The following SON variants were observed in gnomAD, a reference collection of about 807,000 sequenced individuals.
SON encodes protein SON.
A neutral mutation model predicts 173.3 loss-of-function variants in SON; 4 were observed. The ratio of observed to expected loss-of-function variants is 0.02; its 90% CI spans 0.01 to 0.05. The LOEUF is 0.05. Ranked by LOEUF, SON falls within the 10% of genes least tolerant of loss-of-function variation. The probability of loss-of-function intolerance (pLI) is 1.00; values close to 1 mark genes in which losing one functional copy is unlikely to be tolerated. For missense variants in SON, 2,626 were observed against 3,055.3 expected (o/e 0.86, Z 3.31); for synonymous variants, 1,190 against 1,105.9 (o/e 1.08, Z -1.51).
Position 33,553,224 on chromosome 21 carries a change from T to A in SON, c.3993T>A (p.Val1331=). 1.2e-6 allele frequency: 2 copies of A among 1,614,164 alleles called. No individual in the cohort carries two copies. The highest frequency in any genetic ancestry group is 8.5e-7 in the Non-Finnish European group (1 of 1,180,028). ...CAGAAGTATCTACATCCTTGTTGGT[T>A]CCAGCAGTAACTACTCCAGTGCTGG... The part of the protein sequence containing the change: ...VASEVSTSLL[V]PAVTTPVLAE... The change falls in exon 3 of 12, where the codon GTT becomes GTA. Residue 1331 remains valine, a synonymous_variant. Coordinates refer to ENST00000356577, the MANE Select transcript of SON (RefSeq NM_138927.4).
At chr21:33,563,459 G>A (rs2086107378) in intron 6 of SON, among the ~76,000 whole-genome samples, 1 of 138,406 alleles carries the variant, frequency 7.2e-6, no homozygotes, top group Non-Finnish European at 1.7e-5. Flanking sequence ...CAGGCCAGAT[G>A]CTTTTACCTT....
Position 33,552,249 on chromosome 21 carries a change from A to G in SON, c.3018A>G (p.Glu1006=), listed in dbSNP as rs1347172178. 6.2e-7 allele frequency: 1 copy of G among 1,613,994 alleles called. No homozygotes were observed. The highest frequency in any genetic ancestry group is 1.7e-5 in the Admixed American group (1 of 60,002). ...CTATGATGATGTCCTATGCTGCAGAACGTTCCATGATGTCATCTTACGAAC... is the reference window on the plus strand; with the variant it reads ...CTATGATGATGTCCTATGCTGCAGAGCGTTCCATGATGTCATCTTACGAAC... ...RRSMMMSYAA[E]RSMMSSYERS... The change falls in exon 3 of 12, where the codon GAA becomes GAG. Residue 1006 remains glutamate, a synonymous_variant. Transcript: ENST00000356577. This position sits in a 1 kb window ranked among gnomAD's most constrained non-coding sequence, Gnocchi z 5.6.
intron 11 of SON, 107 bp downstream of exon 11, chr21:33,576,000 GTTTGTA>G (rs1184100375): frequency 3.4e-6 from 2 of 596,522 alleles, no homozygotes; most frequent in Non-Finnish European, 5.8e-6. Context: ...TGGGTGGGGG[GTTTGTA>G]TTTGTAGTTA....
In SON at chr21:33,552,548, C is replaced by T; in HGVS notation, c.3317C>T (p.Ser1106Leu). The T allele has an allele frequency of 6.2e-7, 1 of 1,614,114 alleles. No homozygotes were observed. The highest frequency in any genetic ancestry group is 8.5e-7 in the Non-Finnish European group (1 of 1,180,010). Residue 1106 changes from serine to leucine, a missense_variant, in exon 3 of 12, where the codon TCG (serine) becomes TTG (leucine). Ser to Leu is a moderately radical substitution (Grantham distance 145). This residue lies in a region of SON where 366 missense variants were observed against 448.6 expected (regional missense o/e 0.82). Transcript: ENST00000356577. The surrounding 1 kb of genome is among the most constrained non-coding windows in gnomAD (Gnocchi z 5.6). ...YSAADRSMMS[S>L]YSAADRSMMS... ...GCTGCTGACCGGTCTATGATGTCATCGTACTCTGCAGCTGACCGATCTATG... is the reference window on the plus strand; with the variant it reads ...GCTGCTGACCGGTCTATGATGTCATTGTACTCTGCAGCTGACCGATCTATG...
At chr21:33,560,123 T>C (rs1335713184) in intron 6 of SON, 1 of 1,611,504 alleles carries the variant, frequency 6.2e-7, no homozygotes, top group Non-Finnish European at 8.5e-7. Flanking sequence ...CTCTAGATTT[T>C]GGTGGTAGCA....
chr21:33,573,216 G>A, intron 8 of SON, 92 bp from the exon 9 acceptor site: 1 of 1,067,878 alleles, frequency 9.4e-7, no homozygotes, highest in South Asian at 1.5e-5. Flanking sequence ...TAGAAGTAAA[G>A]TAAGATTCCT....
At chr21:33,575,386 C>T in intron 9 of SON, 1 of 433,854 alleles carries the variant, frequency 2.3e-6, no homozygotes, top group Non-Finnish European at 4.1e-6. Context: ...TACAATTTCT[C>T]ATACCAAGAT....
rs2086410876 is a variant in SON, at chr21:33,576,779, G to A, written c.*355G>A. On this transcript the variant is annotated 3_prime_UTR_variant, in exon 12 of 12. Coordinates refer to ENST00000356577, the MANE Select transcript of SON (RefSeq NM_138927.4). Reference sequence around the variant, plus strand: ...TGTTTATATTGTTTACCTTAGTGATGTATTTGTTTAAGTGGCTAACATCCA... The same window carrying A: ...TGTTTATATTGTTTACCTTAGTGATATATTTGTTTAAGTGGCTAACATCCA... 1.9e-5 allele frequency: 7 copies of A among 359,762 alleles called. No individual in the cohort carries two copies. The highest frequency in any genetic ancestry group is 1.5e-4 in the South Asian group (6 of 40,000). 22.3% of individuals were successfully genotyped at this position (359,762 alleles called of 1,614,324 possible).
rs569847364 is a variant in SON at position 33,557,688 on chromosome 21, G to A, written c.6321+372G>A. ...ATCGCCACGAGTATACTGCATATAC[G>A]CAAAGACACAGACAATCTTCAGAAA... On this transcript the variant is annotated intron_variant, in intron 4 of 11. Transcript: ENST00000356577. The A allele has an allele frequency of 2.1e-5, 31 of 1,467,424 alleles. No individual in the cohort carries two copies. The Admixed American group carries it at 5.5e-4, about 26-fold the overall frequency. The allele number at this position is 1,467,424 out of a possible 1,614,324, so 90.9% of individuals were successfully genotyped here. A position where few individuals can be genotyped will look rare whatever the true frequency, so the allele number is the denominator to read the frequency against.
Position 33,559,143 on chromosome 21 carries a change from G to T in SON, c.6322-87G>T, listed in dbSNP as rs1244207785. Reference sequence around the variant, plus strand: ...CATGAATCTTGTTTAACTTTGGAAAGTTGCTATTATGTGGTTTTGATTCTA... The same window carrying T: ...CATGAATCTTGTTTAACTTTGGAAATTTGCTATTATGTGGTTTTGATTCTA... On this transcript the variant is annotated intron_variant, in intron 4 of 11. Coordinates refer to ENST00000356577, the MANE Select transcript of SON (RefSeq NM_138927.4). This position sits in a 1 kb window ranked among gnomAD's most constrained non-coding sequence, Gnocchi z 4.1. 9.4e-7 allele frequency: 1 copy of T among 1,067,722 alleles called. No individual in the cohort carries two copies. The highest frequency in any genetic ancestry group is 1.6e-5 in the African/African-American group (1 of 61,364). The allele number at this position is 1,067,722 out of a possible 1,614,324, so 66.1% of individuals were successfully genotyped here. A position where few individuals can be genotyped will look rare whatever the true frequency, so the allele number is the denominator to read the frequency against.
At chr21:33,568,703 A>G (rs1407974485) in intron 7 of SON, among the ~76,000 whole-genome samples, 2 of 152,138 alleles carry the variant, frequency 1.3e-5, no homozygotes, top group Non-Finnish European at 2.9e-5. Flanking sequence ...TTGCATTTTT[A>G]GTGTATCTGT....
chr21:33,543,282 G>A, intron 1 of SON, 113 bp downstream of exon 1: 3 of 989,226 alleles, frequency 3.0e-6, no homozygotes, highest in Non-Finnish European at 4.8e-6. Flanking sequence ...CCCCGCTAGG[G>A]CCCCGCCTGG....
At position 33,559,939 on chromosome 21, in the gene SON, G is replaced by C; in HGVS notation, c.6657+164G>C. On this transcript the variant is annotated intron_variant, in intron 6 of 11. Transcript: ENST00000356577. This position sits in a 1 kb window ranked among gnomAD's most constrained non-coding sequence, Gnocchi z 4.1. ...TGAAACAACCCGCAGCTTCTCATTT[G>C]ACAGTAACTCGATGCAATTCACTTT... 1 of 1,613,468 alleles carries C rather than the reference G, an allele frequency of 6.2e-7. No homozygotes were observed.
chr21:33,558,574 A>G (rs1022458343), intron 4 of SON: 1 of 152,182 alleles, frequency 6.6e-6, no homozygotes. Context: ...TTATTTACCT[A>G]ATCCAAGCTC....
intron 1 of SON, among the ~76,000 whole-genome samples, chr21:33,545,349 A>T (rs1216524012): frequency 2.0e-5 from 3 of 152,008 alleles, no homozygotes; most frequent in South Asian, 2.1e-4. Flanking sequence ...TAACTACTGA[A>T]TTTTTTTTGG....
chr21:33,544,549 C>T (rs2085566329), intron 1 of SON, among the ~76,000 whole-genome samples: 2 of 152,112 alleles, frequency 1.3e-5, no homozygotes, highest in African/African-American at 2.4e-5. Context: ...TTCATTTCCC[C>T]CCCCATGTAT....
chr21:33,572,385 A>AAAT, intron 8 of SON: 1 of 325,220 alleles, frequency 3.1e-6, no homozygotes. Context: ...TAACCTGTAA[A>AAAT]AATAACTGTT....
In SON at chr21:33,554,988, A is replaced by G; in HGVS notation, c.5757A>G (p.Arg1919=). ...SSSRDNRKTV[R]ARSRTPSRRS... ...CCAGGGATAACCGAAAGACAGTTAG[A>G]GCTCGAAGTCGAACCCCAAGTCGTC... The change falls in exon 3 of 12, where the codon AGA becomes AGG. Residue 1919 remains arginine, a synonymous_variant. Coordinates refer to ENST00000356577, the MANE Select transcript of SON (RefSeq NM_138927.4). 2 of 1,613,754 alleles carry G rather than the reference A, an allele frequency of 1.2e-6. 1 individual carries two copies. Among genetic ancestry groups the G allele is most frequent in the South Asian group, 2.2e-5 (2 of 91,086 alleles).
intron 8 of SON, chr21:33,570,270 T>TAG (rs1440308509): frequency 6.6e-6 from 1 of 152,212 alleles, no homozygotes; most frequent in Non-Finnish European, 1.5e-5. Context: ...TGGTTACCTA[T>TAG]AGAGAGTTGC....
Sources: gnomAD v4.1 joint callset for allele counts (sites outside exome capture counted in the v4.1 genomes callset) on GRCh38, gnomAD v4.1.1 for gene constraint, gnomAD v4.1.1 regional missense constraint, Gnocchi (gnomAD v3.1) non-coding constraint, MANE v1.5 for transcripts, NCBI Gene and HGNC (gene_info 2026-07-23, HGNC 2026-07-21) for gene names.